DTD1: variants seen among roughly 807,000 people sequenced by gnomAD.
The protein encoded by DTD1 is D-tyrosyl-tRNA deacylase 1 homolog.
A neutral mutation model predicts 25.6 loss-of-function variants in DTD1; 13 were observed. The observed-to-expected ratio is 0.51, with a 90% CI of 0.33 to 0.81. The LOEUF is 0.81. Among genes scored for constraint, DTD1 ranks in the 30% least tolerant of loss-of-function variants. DTD1 has a pLI of 0.02. For synonymous variants in DTD1, 110 were observed against 103.6 expected, an observed-to-expected ratio of 1.06 and a Z score of -0.37; for missense variants, 193 against 266.4, an observed-to-expected ratio of 0.72 and a Z score of 1.92.
At chr20:18,732,622 C>T (rs1004060098) in intron 4 of DTD1, among the ~76,000 whole-genome samples, 1 of 152,212 alleles carries the variant, frequency 6.6e-6, no homozygotes, top group Non-Finnish European at 1.5e-5. Flanking sequence ...GCAAAGGCGA[C>T]TTCAGCACTG....
chr20:18,689,986 A>G (rs373181414), intron 4 of DTD1, among the ~76,000 whole-genome samples: 2 of 150,972 alleles, frequency 1.3e-5, no homozygotes, highest in Middle Eastern at 3.2e-3. Context: ...AAAAACAAAA[A>G]TAAGCCAGGC....
chr20:18,634,419 C>T (rs1040792), intron 4 of DTD1, among the ~76,000 whole-genome samples: 72,761 of 151,960 alleles, frequency 0.48, 17,837 homozygotes, highest in Middle Eastern at 0.55. Context: ...TTAGTGCCAT[C>T]GAAGCCCTCA....
At chr20:18,590,969 A>G (rs925114797) in intron 1 of DTD1, among the ~76,000 whole-genome samples, 3 of 152,234 alleles carry the variant, frequency 2.0e-5, no homozygotes, top group Non-Finnish European at 4.4e-5. Flanking sequence ...GGGTTTAACT[A>G]GGTTAACTTC....
intron 4 of DTD1, among the ~76,000 whole-genome samples, chr20:18,679,287 A>G (rs1239443743): frequency 1.3e-5 from 2 of 152,160 alleles, no homozygotes; most frequent in Non-Finnish European, 2.9e-5. Context: ...TCAGGTGCCT[A>G]TTTATTTATT....
chr20:18,605,023 A>G (rs1481302587), intron 3 of DTD1, among the ~76,000 whole-genome samples: 14 of 34,588 alleles, frequency 4.0e-4, no homozygotes, highest in South Asian at 1.9e-3. Context: ...ATATCTAGAA[A>G]ACCCCATTGT....
chr20:18,662,673 A>T (rs1373101814), intron 4 of DTD1, among the ~76,000 whole-genome samples: 1 of 152,338 alleles, frequency 6.6e-6, no homozygotes, highest in South Asian at 2.1e-4. Flanking sequence ...AGTTAAAAAG[A>T]ATGCAGTTGA....
At chr20:18,715,689 A>G (rs2061177462) in intron 4 of DTD1, among the ~76,000 whole-genome samples, 1 of 152,226 alleles carries the variant, frequency 6.6e-6, no homozygotes, top group Non-Finnish European at 1.5e-5. Flanking sequence ...ATGGTGACTA[A>G]CCAAAAGTTG....
At chr20:18,690,827 C>T (rs1281342688) in intron 4 of DTD1, among the ~76,000 whole-genome samples, 1 of 152,052 alleles carries the variant, frequency 6.6e-6, no homozygotes, top group Non-Finnish European at 1.5e-5. Context: ...GCTACTTGGG[C>T]TCTTTTTTGG....
At chr20:18,651,451 A>C (rs907919061) in intron 4 of DTD1, among the ~76,000 whole-genome samples, 8 of 152,210 alleles carry the variant, frequency 5.3e-5, no homozygotes, top group African/African-American at 1.9e-4. Context: ...GCTCCCAGCC[A>C]ACAGCTGGTA....
intron 5 of DTD1, among the ~76,000 whole-genome samples, chr20:18,759,431 G>A (rs1600227147): frequency 1.3e-5 from 2 of 152,112 alleles, no homozygotes; most frequent in Non-Finnish European, 2.9e-5. Context: ...GGCAGGCCTG[G>A]TGGTGACCAA....
chr20:18,726,477 A>G (rs2061222910), intron 4 of DTD1, among the ~76,000 whole-genome samples: 1 of 152,158 alleles, frequency 6.6e-6, no homozygotes, highest in South Asian at 2.1e-4. Context: ...TTTTCCTACC[A>G]GGTTACTAAC....
intron 3 of DTD1, among the ~76,000 whole-genome samples, chr20:18,623,174 C>T (rs1286339821): frequency 5.3e-5 from 8 of 151,850 alleles, no homozygotes; most frequent in Non-Finnish European, 8.8e-5. Flanking sequence ...CTCCCGACCT[C>T]GTGATCCGCC....
intron 4 of DTD1, among the ~76,000 whole-genome samples, chr20:18,688,596 TG>T (rs139541418): frequency 0.02 from 3,025 of 152,220 alleles, 41 homozygotes; most frequent in Non-Finnish European, 0.025. Context: ...CGTAACACTT[TG>T]GGGGCATAAA....
chr20:18,682,630 ATT>A (rs1206192645), intron 4 of DTD1, among the ~76,000 whole-genome samples: 1 of 152,174 alleles, frequency 6.6e-6, no homozygotes, highest in Non-Finnish European at 1.5e-5. Context: ...AATCCTTGAC[ATT>A]TTGTGCCTTA....
chr20:18,743,735 T>G (rs1264908785), intron 4 of DTD1, among the ~76,000 whole-genome samples: 1 of 151,148 alleles, frequency 6.6e-6, no homozygotes, highest in South Asian at 2.1e-4. Flanking sequence ...GAAGGTAACT[T>G]GATGAGAAAA....
intron 4 of DTD1, among the ~76,000 whole-genome samples, chr20:18,680,411 G>C: frequency 8.5e-6 from 1 of 118,164 alleles, no homozygotes; most frequent in Non-Finnish European, 1.7e-5. Context: ...TTTTGTTGTT[G>C]TCTACGTTTT....
intron 3 of DTD1, among the ~76,000 whole-genome samples, chr20:18,596,728 C>CTTT (rs1465192330): frequency 2.1e-5 from 3 of 145,204 alleles, no homozygotes; most frequent in African/African-American, 7.4e-5. Context: ...AGTTTACATT[C>CTTT]TCTTTTTTTT....
chr20:18,675,927 T>C (rs1377181918), intron 4 of DTD1, among the ~76,000 whole-genome samples: 1 of 152,206 alleles, frequency 6.6e-6, no homozygotes, highest in East Asian at 1.9e-4. Context: ...CTAAGTTTTT[T>C]ATTCCTAATA....
At chr20:18,756,923 G>A (rs1263704443) in intron 5 of DTD1, among the ~76,000 whole-genome samples, 1 of 149,096 alleles carries the variant, frequency 6.7e-6, no homozygotes, top group Non-Finnish European at 1.5e-5. Flanking sequence ...TCTTCCATTT[G>A]TTTTTATCCT....
Sources: allele counts gnomAD v4.1 joint callset (sites outside exome capture counted in the v4.1 genomes callset), GRCh38; gene constraint gnomAD v4.1.1; transcripts MANE v1.5; gene names NCBI Gene and HGNC (gene_info 2026-07-23, HGNC 2026-07-21).